The following UBASH3B variants were observed in gnomAD, a reference collection of about 807,000 sequenced individuals.
The protein encoded by UBASH3B is ubiquitin-associated and SH3 domain-containing protein B.
A neutral mutation model predicts 83.4 loss-of-function variants in UBASH3B; 37 were observed. The ratio of observed to expected loss-of-function variants is 0.44; its 90% confidence interval spans 0.34 to 0.58. The LOEUF is 0.58. Ranked by LOEUF, UBASH3B falls within the 20% of genes least tolerant of loss-of-function variation. UBASH3B has a pLI of 0.01. For synonymous variants in UBASH3B, 304 were observed against 318.3 expected (o/e 0.96, Z 0.48); for missense variants, 657 against 827.2 (o/e 0.79, Z 2.52).
intron 9 of UBASH3B, among the ~76,000 whole-genome samples, chr11:122,798,626 G>T (rs1456760333): frequency 6.6e-6 from 1 of 150,494 alleles, no homozygotes; most frequent in Non-Finnish European, 1.5e-5. Flanking sequence ...CAGGAGAATG[G>T]CTTGAACCCG....
chr11:122,706,292 C>T (rs1864119219), intron 1 of UBASH3B, among the ~76,000 whole-genome samples: 1 of 151,866 alleles, frequency 6.6e-6, no homozygotes, highest in Non-Finnish European at 1.5e-5. Flanking sequence ...CTTAATGCCA[C>T]CCCTGGATTC....
intron 6 of UBASH3B, 149 bp from the exon 7 acceptor site, chr11:122,794,553 G>A (rs12800847): frequency 1.0e-6 from 1 of 982,662 alleles, no homozygotes; most frequent in Non-Finnish European, 1.5e-6. Context: ...TTTTCCCTTA[G>A]GAATGAGGCC....
chr11:122,658,138 T>C (rs1863388515), intron 1 of UBASH3B, among the ~76,000 whole-genome samples: 1 of 144,406 alleles, frequency 6.9e-6, no homozygotes. Flanking sequence ...ATCGCACCAC[T>C]GCACTCTAGC....
chr11:122,744,155 G>A (rs1861072927), intron 1 of UBASH3B, among the ~76,000 whole-genome samples: 1 of 152,174 alleles, frequency 6.6e-6, no homozygotes, highest in African/African-American at 2.4e-5. Flanking sequence ...TCCCACGCAG[G>A]CTTCCTGTTT....
At chr11:122,795,644 T>G (rs1861141679) in intron 7 of UBASH3B, among the ~76,000 whole-genome samples, 1 of 152,160 alleles carries the variant, frequency 6.6e-6, no homozygotes, top group Non-Finnish European at 1.5e-5. Flanking sequence ...GGCTACATAG[T>G]GATTAGAATA....
At chr11:122,742,943 G>A (rs1298520873) in intron 1 of UBASH3B, among the ~76,000 whole-genome samples, 1 of 152,196 alleles carries the variant, frequency 6.6e-6, no homozygotes, top group Non-Finnish European at 1.5e-5. Context: ...GCCGGCTAGA[G>A]TTTTTTGTGT....
chr11:122,672,308 CG>C (rs1239836875), intron 1 of UBASH3B, among the ~76,000 whole-genome samples: 3 of 151,822 alleles, frequency 2.0e-5, no homozygotes, highest in Non-Finnish European at 4.4e-5. Flanking sequence ...AACTGAAAAA[CG>C]GATGCCTATT....
chr11:122,689,259 C>T (rs1017676749), intron 1 of UBASH3B, among the ~76,000 whole-genome samples: 2 of 152,086 alleles, frequency 1.3e-5, no homozygotes, highest in Middle Eastern at 3.2e-3. Flanking sequence ...GTTATTACTT[C>T]GCAATTTGCT....
At position 122,812,192 on chromosome 11, in the gene UBASH3B, G is replaced by A. The variant is rs368488056; in HGVS notation, c.*2306G>A. On this transcript the variant is annotated 3_prime_UTR_variant, in exon 14 of 14. Coordinates refer to ENST00000284273, the MANE Select transcript of UBASH3B (RefSeq NM_032873.5). ...AGATAGAGATCTGAAATAATTTTCC[G>A]AATAATTCAGGTGGAAAACAAGAAA... 2 of 152,178 alleles carry A rather than the reference G, an allele frequency of 1.3e-5. No homozygotes were observed. The highest frequency in any genetic ancestry group is 2.9e-5 in the Non-Finnish European group (2 of 68,034). 9.4% of individuals were successfully genotyped at this position (152,178 alleles called of 1,614,324 possible).
rs909055185 is a variant in UBASH3B at position 122,752,245 on chromosome 11, C to A, written c.162-23974C>A. ...CCATCCCTTGGTACCCCTAAGATGCCAAGCACTGCCTAAGCACACTCTCTT... is the reference window on the plus strand; with the variant it reads ...CCATCCCTTGGTACCCCTAAGATGCAAAGCACTGCCTAAGCACACTCTCTT... On this transcript the variant is annotated intron_variant, in intron 1 of 13. Coordinates refer to ENST00000284273, the MANE Select transcript of UBASH3B (RefSeq NM_032873.5). Among the ~76,000 whole-genome samples, 4 of 152,150 alleles carry A rather than the reference C, an allele frequency of 2.6e-5. No individual in the cohort carries two copies. In the East Asian group the frequency reaches 7.7e-4, roughly 29 times the overall value.
chr11:122,717,549 G>A (rs1430703311), intron 1 of UBASH3B, among the ~76,000 whole-genome samples: 4 of 152,214 alleles, frequency 2.6e-5, no homozygotes, highest in Non-Finnish European at 4.4e-5. Flanking sequence ...CACACAGCAC[G>A]GATGCTTGTA....
intron 1 of UBASH3B, among the ~76,000 whole-genome samples, chr11:122,665,966 G>A (rs2135894758): frequency 6.6e-6 from 1 of 152,304 alleles, no homozygotes; most frequent in South Asian, 2.1e-4. Flanking sequence ...CTCTGTGGAA[G>A]CATAAACATT....
At chr11:122,795,488 G>C (rs536203632) in intron 7 of UBASH3B, among the ~76,000 whole-genome samples, 1 of 152,332 alleles carries the variant, frequency 6.6e-6, no homozygotes, top group South Asian at 2.1e-4. Context: ...CAGAAAGACG[G>C]AATGCAGAAA....
chr11:122,690,190 A>ATATATATATCCAAT (rs1863869776), intron 1 of UBASH3B, among the ~76,000 whole-genome samples: 3 of 24,192 alleles, frequency 1.2e-4, no homozygotes, highest in Non-Finnish European at 2.3e-4. Context: ...ATATATATAT[A>ATATATATATCCAAT]TATATATATA....
chr11:122,668,356 G>A (rs935297684), intron 1 of UBASH3B, among the ~76,000 whole-genome samples: 1 of 152,146 alleles, frequency 6.6e-6, no homozygotes, highest in Admixed American at 6.6e-5. Flanking sequence ...CTCTGAATTA[G>A]CCTTTTCATA....
chr11:122,712,896 G>GTTTTTTTTTTTTTTTTTTTTT (rs386375116), intron 1 of UBASH3B, among the ~76,000 whole-genome samples: 2 of 64,496 alleles, frequency 3.1e-5, no homozygotes, highest in African/African-American at 6.8e-5. Context: ...TCTCTGGGTG[G>GTTTTTTTTTTTTTTTTTTTTT]TTTTTTTTTT....
At chr11:122,661,646 A>G (rs1293281088) in intron 1 of UBASH3B, among the ~76,000 whole-genome samples, 2 of 152,184 alleles carry the variant, frequency 1.3e-5, no homozygotes, top group Non-Finnish European at 2.9e-5. Context: ...ATACACTGTA[A>G]AAATTGCTCT....
chr11:122,784,518 G>A (rs769104647), intron 5 of UBASH3B, among the ~76,000 whole-genome samples: 33 of 152,246 alleles, frequency 2.2e-4, no homozygotes, highest in Non-Finnish European at 4.4e-4. Flanking sequence ...AGACCTCATC[G>A]TTTGTTAAAA....
chr11:122,739,568 C>A (rs993919925), intron 1 of UBASH3B, among the ~76,000 whole-genome samples: 3 of 152,130 alleles, frequency 2.0e-5, no homozygotes, highest in Non-Finnish European at 4.4e-5. Context: ...TATCCATGGT[C>A]GGGTATTGGA....
Sources: allele counts gnomAD v4.1 joint callset (sites outside exome capture counted in the v4.1 genomes callset), GRCh38; gene constraint gnomAD v4.1.1; transcripts MANE v1.5; gene names NCBI Gene and HGNC (gene_info 2026-07-23, HGNC 2026-07-21).